The following BBS1 variants were observed in gnomAD, a reference collection of about 807,000 sequenced individuals.
BBS1 encodes Bardet-Biedl syndrome 1, also known as BBSome complex member BBS1.
A neutral mutation model predicts 73.9 loss-of-function variants in BBS1; 60 were observed. The ratio of observed to expected loss-of-function variants is 0.81; its 90% CI spans 0.66 to 1.01. The LOEUF is 1.01. Ranked by LOEUF, BBS1 falls within the 50% of genes least tolerant of loss-of-function variation. BBS1 has a pLI of 0.00. For missense variants in BBS1, 718 were observed against 770.3 expected (o/e 0.93, Z 0.80); for synonymous variants, 283 against 317.4 (o/e 0.89, Z 1.15).
chr11:66,516,813 TC>T (rs1292005511), intron 7 of BBS1, among the ~76,000 whole-genome samples: 1 of 152,172 alleles, frequency 6.6e-6, no homozygotes, highest in African/African-American at 2.4e-5. Context: ...TACCTCAGCC[TC>T]CCAAAGTGGT....
rs375785879 is a variant in BBS1 at position 66,523,927 on chromosome 11, C to T, written c.1110+45C>T. 3.4e-4 allele frequency: 543 copies of T among 1,608,682 alleles called. No individual in the cohort carries two copies. The highest frequency in any genetic ancestry group is 5.3e-4 in the Admixed American group (32 of 60,022). On this transcript the variant is annotated intron_variant, in intron 11 of 16. Coordinates refer to ENST00000318312, the MANE Select transcript of BBS1 (RefSeq NM_024649.5). ...TCTGCCACTCACTCCTCCTTGCCCT[C>T]GTCTCACCTCTGGGGCTTCTTAGCT...
At chr11:66,531,547 C>T in intron 15 of BBS1, 109 bp from the exon 16 acceptor site, 2 of 1,435,878 alleles carry the variant, frequency 1.4e-6, no homozygotes, top group Non-Finnish European at 2.0e-6. Context: ...GTCCTGCCCA[C>T]CCTGCAGGGG....
intron 7 of BBS1, 30 bp downstream of exon 7, chr11:66,515,963 G>C (rs1391478617): frequency 4.3e-6 from 7 of 1,611,632 alleles, no homozygotes; most frequent in East Asian, 4.5e-5. Flanking sequence ...TTATTTCCCT[G>C]TAAAAAAATT....
chr11:66,523,091 C>G, intron 9 of BBS1: 1 of 465,458 alleles, frequency 2.1e-6, no homozygotes, highest in Non-Finnish European at 4.3e-6. Context: ...TCATCCTTTT[C>G]TCATAATAAA....
At chr11:66,516,617 C>T (rs1025761323) in intron 7 of BBS1, among the ~76,000 whole-genome samples, 3 of 152,086 alleles carry the variant, frequency 2.0e-5, no homozygotes, top group Non-Finnish European at 4.4e-5. Context: ...GTGGTGTGAT[C>T]GTGGCTCACT....
At chr11:66,519,926 T>G (rs749285931) in intron 8 of BBS1, 178 bp downstream of exon 8, 2 of 679,288 alleles carry the variant, frequency 2.9e-6, no homozygotes, top group Non-Finnish European at 2.4e-6. Context: ...ACTGTTAAAG[T>G]TGAGGCATAG....
intron 15 of BBS1, 81 bp downstream of exon 15, chr11:66,531,109 G>A: frequency 6.4e-7 from 1 of 1,574,002 alleles, no homozygotes; most frequent in Non-Finnish European, 8.6e-7. Context: ...AGCCCCGCCA[G>A]GTCAGGGTCA....
intron 13 of BBS1, among the ~76,000 whole-genome samples, chr11:66,527,217 AAAAG>A (rs977155701): frequency 3.3e-5 from 5 of 152,090 alleles, no homozygotes; most frequent in African/African-American, 7.2e-5. Flanking sequence ...CAAAAAAAAA[AAAAG>A]AGAGAGAGAG....
chr11:66,529,768 T>C (rs1305158650), intron 13 of BBS1, 51 bp from the exon 14 acceptor site: 5 of 1,604,820 alleles, frequency 3.1e-6, no homozygotes, highest in Non-Finnish European at 4.2e-6. Context: ...TGCTGCCTCC[T>C]CCCTGCCACC....
At chr11:66,521,936 G>T (rs1025364779) in intron 9 of BBS1, among the ~76,000 whole-genome samples, 1 of 144,136 alleles carries the variant, frequency 6.9e-6, no homozygotes, top group Admixed American at 7.1e-5. Flanking sequence ...AAGCAGGGGG[G>T]TGCCGGGTGC....
At chr11:66,530,397 AC>A (rs1421162181) in intron 14 of BBS1, among the ~76,000 whole-genome samples, 1 of 151,932 alleles carries the variant, frequency 6.6e-6, no homozygotes, top group Non-Finnish European at 1.5e-5. Flanking sequence ...AAAAGGAGGA[AC>A]CCCGCAAGGC....
rs768443448 is a variant in BBS1, at chr11:66,526,753, C to T, written c.1285C>T (p.Arg429Ter). The T allele has an allele frequency of 8.7e-6, 14 of 1,614,090 alleles. No individual in the cohort carries two copies. The highest frequency in any genetic ancestry group is 6.7e-5 in the East Asian group (3 of 44,890). ...CCAGGCCATGAAACTCAATGTGCCC[C>T]GAAAGACCCGGCTTTACGTGGATCA... ...PAQAMKLNVP[R>*]KTRLYVDQTL... is the part of the protein sequence containing the mutation. Residue 429 changes from arginine (R) to a stop codon, truncating the protein, a stop_gained, in exon 13 of 17, where the codon CGA becomes TGA. Transcript: ENST00000318312. LOFTEE classifies it high-confidence loss of function.
At chr11:66,531,784 C>G in intron 16 of BBS1, 42 bp downstream of exon 16, 2 of 1,613,118 alleles carry the variant, frequency 1.2e-6, no homozygotes, top group South Asian at 1.1e-5. Flanking sequence ...GAGCAGGACC[C>G]TGGGGAGGAC....
Position 66,526,645 on chromosome 11 carries a change from C to G in BBS1, c.1181-4C>G. On this transcript the variant is annotated splice_polypyrimidine_tract_variant and splice_region_variant and intron_variant, in intron 12 of 16. Transcript: ENST00000318312. The stretch of plus-strand genomic sequence containing the variant: ...AAATCCATTTCCACTGTCCACTTCC[C>G]TAGGTGGTGGCCTGATCATCAAGAT... 6.2e-7 allele frequency: 1 copy of G among 1,614,162 alleles called. No individual in the cohort carries two copies. The highest frequency in any genetic ancestry group is 8.5e-7 in the Non-Finnish European group (1 of 1,180,028).
chr11:66,523,212 A>G, intron 9 of BBS1: 1 of 636,444 alleles, frequency 1.6e-6, no homozygotes, highest in Non-Finnish European at 2.9e-6. Flanking sequence ...GGCGGAAGAC[A>G]AGACACCATA....
chr11:66,530,829 C>T (rs900036499), intron 14 of BBS1, 65 bp from the exon 15 acceptor site: 29 of 1,607,268 alleles, frequency 1.8e-5, no homozygotes, highest in South Asian at 8.8e-5. Context: ...GCAGGCAGAG[C>T]ACACTGTACT....
chr11:66,532,047 T>C lies in BBS1; in HGVS notation c.*10T>C. 6.3e-7 allele frequency: 1 copy of C among 1,594,040 alleles called. No homozygotes were observed. The highest frequency in any genetic ancestry group is 8.5e-7 in the Non-Finnish European group (1 of 1,171,372). On this transcript the variant is annotated 3_prime_UTR_variant, in exon 17 of 17. Transcript: ENST00000318312. Reference sequence around the variant, plus strand: ...GCTGGCGGCCGCCTGAGACCTGAGCTGCTGTGAAAGCCCCTGCACAATCAG... The same window carrying C: ...GCTGGCGGCCGCCTGAGACCTGAGCCGCTGTGAAAGCCCCTGCACAATCAG...
chr11:66,521,904 CAA>C lies in BBS1; in HGVS notation c.830+550_830+551del, dbSNP rs1183524219. On this transcript the variant is annotated intron_variant, in intron 9 of 16. Transcript: ENST00000318312. ...TGGGTAACGGAGCGAGACTCCGTCT[CAA>C]AAAAAAAAAAAAAAAAAAAAAGCAG... 9.0e-4 allele frequency among the ~76,000 whole-genome samples: 33 copies of C among 36,484 alleles called. No homozygotes were observed. The South Asian group carries it at 9.0e-3, about 10-fold the overall frequency. The allele number at this position is 36,484 out of a possible 152,430, so 23.9% of individuals were successfully genotyped here.
At chr11:66,527,412 T>C (rs1293128080) in intron 13 of BBS1, among the ~76,000 whole-genome samples, 1 of 152,076 alleles carries the variant, frequency 6.6e-6, no homozygotes, top group Non-Finnish European at 1.5e-5. Context: ...GGCTCACGCC[T>C]GTAATCCCAC....
Sources: allele counts gnomAD v4.1 joint callset (sites outside exome capture counted in the v4.1 genomes callset), GRCh38; gene constraint gnomAD v4.1.1; transcripts MANE v1.5; gene names NCBI Gene and HGNC (gene_info 2026-07-23, HGNC 2026-07-21).